ANKRD6: variants seen among roughly 807,000 people sequenced by gnomAD.
ANKRD6 encodes ankyrin repeat domain 6.
ANKRD6 carries 56 observed loss-of-function variants against 82.3 expected under a neutral mutation model. The ratio of observed to expected loss-of-function variants is 0.68; its 90% CI spans 0.55 to 0.85. The LOEUF (loss-of-function observed/expected upper bound fraction) is 0.85, where lower values mean the gene tolerates loss of function less well. ANKRD6 is among the 40% of genes least tolerant of loss of function. ANKRD6 has a pLI of 0.00. For synonymous variants in ANKRD6, 347 were observed against 352.1 expected, an observed-to-expected ratio of 0.99 and a Z score of 0.16; for missense variants, 852 against 907.6, an observed-to-expected ratio of 0.94 and a Z score of 0.79.
chr6:89,466,615 C>G (rs1774878390), intron 1 of ANKRD6, among the ~76,000 whole-genome samples: 1 of 152,130 alleles, frequency 6.6e-6, no homozygotes, highest in African/African-American at 2.4e-5. Context: ...ATGTGAAATG[C>G]CTGTGAATTT....
chr6:89,612,519 T>C (rs1161225761), intron 6 of ANKRD6, 149 bp downstream of exon 6: 18 of 740,630 alleles, frequency 2.4e-5, no homozygotes, highest in Admixed American at 1.6e-4. Context: ...TTTTTGGCAA[T>C]TTTCTAAGGG....
chr6:89,622,504 A>C (rs950963852), intron 10 of ANKRD6, among the ~76,000 whole-genome samples: 1 of 152,212 alleles, frequency 6.6e-6, no homozygotes, highest in Non-Finnish European at 1.5e-5. Flanking sequence ...GGGGATTCTC[A>C]TGGGGACTAA....
intron 2 of ANKRD6, among the ~76,000 whole-genome samples, chr6:89,590,756 G>A (rs571007534): frequency 2.0e-5 from 3 of 152,172 alleles, no homozygotes; most frequent in African/African-American, 7.2e-5. Context: ...GATGGCTGAC[G>A]GGGTGAATCC....
chr6:89,461,744 A>G (rs1774170410), intron 1 of ANKRD6, among the ~76,000 whole-genome samples: 1 of 152,216 alleles, frequency 6.6e-6, no homozygotes, highest in Admixed American at 6.5e-5. Context: ...AAATGAATCA[A>G]CATTCAACCC....
At chr6:89,470,212 TA>T (rs999798598) in intron 1 of ANKRD6, among the ~76,000 whole-genome samples, 1 of 152,176 alleles carries the variant, frequency 6.6e-6, no homozygotes, top group Non-Finnish European at 1.5e-5. Flanking sequence ...ATGACCTGCT[TA>T]AAAAAATTTC....
intron 1 of ANKRD6, among the ~76,000 whole-genome samples, chr6:89,544,735 A>AC (rs1562773202): frequency 1.3e-5 from 2 of 152,052 alleles, no homozygotes; most frequent in South Asian, 4.2e-4. Context: ...CAAAAAACAA[A>AC]AAACAAACAA....
intron 1 of ANKRD6, among the ~76,000 whole-genome samples, chr6:89,452,879 C>T (rs1013996594): frequency 1.3e-5 from 2 of 152,168 alleles, no homozygotes; most frequent in Non-Finnish European, 2.9e-5. Flanking sequence ...AGCCTTTGTG[C>T]CCTCTGCCAA....
At chr6:89,618,412 G>A (rs1003102807) in intron 9 of ANKRD6, 6 of 563,630 alleles carry the variant, frequency 1.1e-5, no homozygotes, top group Non-Finnish European at 1.3e-5. Context: ...TTTAAGAAGA[G>A]AAGTGGCATT....
intron 1 of ANKRD6, among the ~76,000 whole-genome samples, chr6:89,469,371 G>T (rs549353430): frequency 5.3e-5 from 8 of 152,134 alleles, no homozygotes; most frequent in African/African-American, 1.9e-4. Context: ...CTTTCAATTT[G>T]TAAGTCCAAC....
At chr6:89,562,810 A>G (rs1171865677) in intron 1 of ANKRD6, 1 of 152,268 alleles carries the variant, frequency 6.6e-6, no homozygotes, top group Non-Finnish European at 1.5e-5. Flanking sequence ...TGACAGCCCT[A>G]GGAAGCTAAT....
Position 89,566,473 on chromosome 6 carries a change from C to T in ANKRD6, c.-143-361C>T, listed in dbSNP as rs116885375. On this transcript the variant is annotated intron_variant, in intron 1 of 15. Coordinates refer to ENST00000339746, the MANE Select transcript of ANKRD6 (RefSeq NM_001242809.2). ...CCAACCAGGGGGCCTTTGATGATCA[C>T]ACACGGTACAGTTCCCTGCCAAAGG... Among the ~76,000 whole-genome samples, 22 of 152,362 alleles carry T rather than the reference C, an allele frequency of 1.4e-4. No individual in the cohort carries two copies. In the East Asian group the frequency reaches 3.9e-3, roughly 27 times the overall value.
At chr6:89,613,945 G>A in intron 7 of ANKRD6, 55 bp downstream of exon 7, 1 of 1,582,392 alleles carries the variant, frequency 6.3e-7, no homozygotes. Context: ...AAGGCTACCG[G>A]ACAGGTCTGT....
intron 1 of ANKRD6, among the ~76,000 whole-genome samples, chr6:89,479,608 TA>T (rs1210579257): frequency 6.7e-6 from 1 of 148,816 alleles, no homozygotes; most frequent in East Asian, 1.9e-4. Flanking sequence ...TATTTTTATT[TA>T]TTTATTTATT....
chr6:89,606,145 G>A, intron 5 of ANKRD6, 40 bp downstream of exon 5: 2 of 1,474,676 alleles, frequency 1.4e-6, no homozygotes, highest in South Asian at 1.3e-5. Context: ...ATTCACAGGT[G>A]AGGATGGCTG....
chr6:89,458,861 G>A (rs1232783382), intron 1 of ANKRD6, among the ~76,000 whole-genome samples: 1 of 152,204 alleles, frequency 6.6e-6, no homozygotes, highest in Non-Finnish European at 1.5e-5. Context: ...CTGAGGAGCT[G>A]TGTCGTGGTC....
chr6:89,553,780 A>G (rs557058764), intron 1 of ANKRD6, among the ~76,000 whole-genome samples: 1 of 152,252 alleles, frequency 6.6e-6, no homozygotes, highest in African/African-American at 2.4e-5. Context: ...TGCCCATATC[A>G]AGTGCTTCCC....
chr6:89,618,498 G>T, intron 9 of ANKRD6: 2 of 309,974 alleles, frequency 6.5e-6, no homozygotes, highest in Non-Finnish European at 1.2e-5. Flanking sequence ...GTACAGTCTA[G>T]TTTTCTTTCC....
chr6:89,479,209 T>C (rs1776473449), intron 1 of ANKRD6, among the ~76,000 whole-genome samples: 2 of 152,134 alleles, frequency 1.3e-5, no homozygotes, highest in African/African-American at 4.8e-5. Context: ...TCAGGGAAGA[T>C]TTCCCGGGGA....
Position 89,623,975 on chromosome 6 carries a change from G to A in ANKRD6, c.1136G>A (p.Cys379Tyr). 1 of 1,613,784 alleles carries A rather than the reference G, an allele frequency of 6.2e-7. No homozygotes were observed. Among genetic ancestry groups the A allele is most frequent in the Non-Finnish European group, 8.5e-7 (1 of 1,179,818 alleles). The change falls in exon 12 of 16, where the codon TGT (cysteine) becomes TAT (tyrosine). Residue 379 changes from cysteine (C) to tyrosine (Y), a missense_variant. Coordinates refer to ENST00000339746, the MANE Select transcript of ANKRD6 (RefSeq NM_001242809.2). ...NHPKKRNRHR[C>Y]SSPPPPHEFR... is the part of the protein sequence containing the mutation. Reference sequence around the variant, plus strand: ...CCTAAAAAGAGGAACAGGCATCGGTGTTCATCCCCACCCCCACCCCATGAG... The same window carrying A: ...CCTAAAAAGAGGAACAGGCATCGGTATTCATCCCCACCCCCACCCCATGAG...
Sources: gnomAD v4.1 joint callset for allele counts (sites outside exome capture counted in the v4.1 genomes callset) on GRCh38, gnomAD v4.1.1 for gene constraint, MANE v1.5 for transcripts, NCBI Gene and HGNC (gene_info 2026-07-23, HGNC 2026-07-21) for gene names.